POU6F1: variants seen among roughly 807,000 people sequenced by gnomAD.
The protein encoded by POU6F1 is POU domain, class 6, transcription factor 1.
A neutral mutation model predicts 28.9 loss-of-function variants in POU6F1; 9 were observed. The ratio of observed to expected loss-of-function variants is 0.31; its 90% CI spans 0.19 to 0.54. The LOEUF is 0.54. Among genes scored for constraint, POU6F1 ranks in the 20% least tolerant of loss-of-function variants. POU6F1 has a pLI of 0.94. For synonymous variants in POU6F1, 173 were observed against 171.1 expected, an observed-to-expected ratio of 1.01 and a Z score of -0.09; for missense variants, 338 against 426.1, an observed-to-expected ratio of 0.79 and a Z score of 1.82.
chr12:51,198,309 G>A, intron 5 of POU6F1: 1 of 396,876 alleles, frequency 2.5e-6, no homozygotes, highest in Non-Finnish European at 4.4e-6. Flanking sequence ...TGGGGGGAGA[G>A]GGGCAGTCTC....
intron 1 of POU6F1, among the ~76,000 whole-genome samples, chr12:51,213,079 G>A (rs1194714863): frequency 1.3e-5 from 2 of 152,072 alleles, no homozygotes; most frequent in Admixed American, 6.6e-5. Context: ...TGGGACTACA[G>A]GTGCGCATCA....
chr12:51,201,024 A>G (rs536917202), intron 3 of POU6F1, among the ~76,000 whole-genome samples: 3 of 152,306 alleles, frequency 2.0e-5, no homozygotes, highest in Admixed American at 6.5e-5. Context: ...TGCTGGGCAT[A>G]TATTTCTAGG....
chr12:51,214,218 T>A (rs983463160), intron 1 of POU6F1, among the ~76,000 whole-genome samples: 3 of 152,142 alleles, frequency 2.0e-5, no homozygotes, highest in African/African-American at 7.2e-5. Flanking sequence ...CCTATGGGAT[T>A]GTTATGATGG....
chr12:51,217,225 G>T lies in POU6F1; in HGVS notation c.-48+417C>A, dbSNP rs1276121450. The stretch of plus-strand genomic sequence containing the variant: ...CCAGGCGTCCGTGTTCTCCAGAGAG[G>T]CAAGGATCCGCTTCTGGTCGCCACT... On this transcript the variant is annotated intron_variant, in intron 1 of 10. Coordinates refer to ENST00000333640, the MANE Select transcript of POU6F1 (RefSeq NM_001330422.2). The surrounding 1 kb of genome is among the most constrained non-coding windows in gnomAD (Gnocchi z 5.3). 6.6e-6 allele frequency among the ~76,000 whole-genome samples: 1 copy of T among 152,168 alleles called. No individual in the cohort carries two copies. The highest frequency in any genetic ancestry group is 1.5e-5 in the Non-Finnish European group (1 of 68,028).
rs1312390366 is a variant in POU6F1 at position 51,189,305 on chromosome 12, A to G, written c.*942T>C. ...TTGGGTTGGGAATGGGTGTGGGGAC[A>G]AGAGAAAGAAAGAGAAAGTCAGCAT... On this transcript the variant is annotated 3_prime_UTR_variant, in exon 11 of 11. Transcript: ENST00000333640. The G allele has an allele frequency of 6.6e-6, 1 of 152,136 alleles. No individual in the cohort carries two copies. Among genetic ancestry groups the G allele is most frequent in the East Asian group, 1.9e-4 (1 of 5,196 alleles). The allele number at this position is 152,136 out of a possible 1,614,324, so 9.4% of individuals were successfully genotyped here. A position where few individuals can be genotyped will look rare whatever the true frequency, so the allele number is the denominator to read the frequency against.
chr12:51,203,217 C>G (rs959318570), intron 3 of POU6F1, among the ~76,000 whole-genome samples: 3 of 152,064 alleles, frequency 2.0e-5, no homozygotes, highest in African/African-American at 7.3e-5. Context: ...ATTAAGGCAC[C>G]AGAGGAAATG....
At chr12:51,205,484 C>A (rs1396209785) in intron 2 of POU6F1, among the ~76,000 whole-genome samples, 1 of 152,216 alleles carries the variant, frequency 6.6e-6, no homozygotes, top group East Asian at 1.9e-4. Context: ...CCCTCCCCTG[C>A]CCAGACGACA....
In POU6F1 at chr12:51,191,525, G is replaced by A. The variant is rs1049352364; in HGVS notation, c.1490+71C>T. The A allele has an allele frequency of 6.5e-6, 10 of 1,542,760 alleles. No individual in the cohort carries two copies. The African/African-American group carries it at 1.1e-4, about 17-fold the overall frequency. ...ATATGGAAAAGGGGCCGGTGCTCAG[G>A]TTCCCATGAGTGCCCGGTGGCACCA... On this transcript the variant is annotated intron_variant, in intron 10 of 10. Coordinates refer to ENST00000333640, the MANE Select transcript of POU6F1 (RefSeq NM_001330422.2).
chr12:51,198,039 GA>G lies in POU6F1; in HGVS notation c.593-17del, dbSNP rs1333783937. ...ACAGCAGCTGCTATGGAGCAAGGCA[GA>G]GACAGAGGTGCTCAAATGCCTAGCC... On this transcript the variant is annotated splice_polypyrimidine_tract_variant and intron_variant, in intron 5 of 10. Coordinates refer to ENST00000333640, the MANE Select transcript of POU6F1 (RefSeq NM_001330422.2). The G allele has an allele frequency of 2.5e-6, 1 of 399,214 alleles. No individual in the cohort carries two copies. The highest frequency in any genetic ancestry group is 4.4e-6 in the Non-Finnish European group (1 of 226,316). The allele number at this position is 399,214 out of a possible 1,614,324, so 24.7% of individuals were successfully genotyped here. A position where few individuals can be genotyped will look rare whatever the true frequency, so the allele number is the denominator to read the frequency against.
At chr12:51,210,714 G>A (rs1943934705) in intron 1 of POU6F1, among the ~76,000 whole-genome samples, 1 of 152,184 alleles carries the variant, frequency 6.6e-6, no homozygotes, top group African/African-American at 2.4e-5. Flanking sequence ...CAAGGGCAAA[G>A]TCAGTCCTGA....
intron 1 of POU6F1, among the ~76,000 whole-genome samples, chr12:51,208,912 G>C (rs1943807534): frequency 1.3e-5 from 2 of 152,146 alleles, no homozygotes; most frequent in Non-Finnish European, 2.9e-5. Flanking sequence ...ACTCCAGCCT[G>C]GGCAACAGAG....
intron 1 of POU6F1, among the ~76,000 whole-genome samples, chr12:51,209,687 A>C (rs1015912125): frequency 2.0e-5 from 3 of 152,154 alleles, no homozygotes; most frequent in African/African-American, 7.2e-5. Context: ...TAGCATCTTC[A>C]TTGCTTGGCA....
intron 1 of POU6F1, among the ~76,000 whole-genome samples, chr12:51,213,197 A>G (rs992616400): frequency 5.3e-5 from 8 of 152,168 alleles, no homozygotes; most frequent in African/African-American, 1.9e-4. Flanking sequence ...TTGGCCTCCC[A>G]AAGTGCTGGG....
intron 8 of POU6F1, among the ~76,000 whole-genome samples, chr12:51,193,243 A>C (rs1942564189): frequency 6.6e-6 from 1 of 152,204 alleles, no homozygotes; most frequent in Admixed American, 6.5e-5. Flanking sequence ...CAGCCATTAA[A>C]AGGGAGAAGG....
chr12:51,212,499 G>A (rs1349390423), intron 1 of POU6F1, among the ~76,000 whole-genome samples: 2 of 151,714 alleles, frequency 1.3e-5, no homozygotes, highest in African/African-American at 4.8e-5. Flanking sequence ...CTATAGTCCA[G>A]GCCGGGCGTG....
At chr12:51,215,607 C>T (rs998825498) in intron 1 of POU6F1, among the ~76,000 whole-genome samples, 7 of 146,770 alleles carry the variant, frequency 4.8e-5, no homozygotes, top group Non-Finnish European at 9.0e-5. Flanking sequence ...GTATTGGGTT[C>T]TGGAGAACCC....
At position 51,190,053 on chromosome 12, in the gene POU6F1, C is replaced by G; in HGVS notation, c.*194G>C. On this transcript the variant is annotated 3_prime_UTR_variant, in exon 11 of 11. Coordinates refer to ENST00000333640, the MANE Select transcript of POU6F1 (RefSeq NM_001330422.2). This position sits in a 1 kb window ranked among gnomAD's most constrained non-coding sequence, Gnocchi z 4.5. ...GAGCCTGGAGCTCTCGTGTGGCCCC[C>G]TCTGGCCTCCCCATGATGTGAGATG... 9.2e-7 allele frequency: 1 copy of G among 1,090,052 alleles called. No individual in the cohort carries two copies. Among genetic ancestry groups the G allele is most frequent in the Non-Finnish European group, 1.3e-6 (1 of 788,224 alleles). The allele number at this position is 1,090,052 out of a possible 1,614,324, so 67.5% of individuals were successfully genotyped here.
At position 51,190,210 on chromosome 12, in the gene POU6F1, G is replaced by A. The variant is rs1942298662; in HGVS notation, c.*37C>T. On this transcript the variant is annotated 3_prime_UTR_variant, in exon 11 of 11. Transcript: ENST00000333640. The surrounding 1 kb of genome is among the most constrained non-coding windows in gnomAD (Gnocchi z 4.5). ...GCTGCAGCCGGATGCCACGGGAAATGGACAAAGTGCTAGAACACAGGGCCA... is the reference window on the plus strand; with the variant it reads ...GCTGCAGCCGGATGCCACGGGAAATAGACAAAGTGCTAGAACACAGGGCCA... 6.3e-7 allele frequency: 1 copy of A among 1,599,848 alleles called. No homozygotes were observed. The highest frequency in any genetic ancestry group is 8.5e-7 in the Non-Finnish European group (1 of 1,171,752).
rs12370642 is a variant in POU6F1 at position 51,216,521 on chromosome 12, G to T, written c.-48+1121C>A. On this transcript the variant is annotated intron_variant, in intron 1 of 10. Coordinates refer to ENST00000333640, the MANE Select transcript of POU6F1 (RefSeq NM_001330422.2). ...AGCATGGCACTGAGTGGGTATTTTT[G>T]TTGAACTAATGAAGAAATGAAGTTC... 4.8e-3 allele frequency among the ~76,000 whole-genome samples: 737 copies of T among 152,310 alleles called. 3 individuals are homozygous for T. Among genetic ancestry groups the T allele is most frequent in the Non-Finnish European group, 8.6e-3 (583 of 68,034 alleles).
Sources: allele counts gnomAD v4.1 joint callset (sites outside exome capture counted in the v4.1 genomes callset), GRCh38; gene constraint gnomAD v4.1.1; non-coding constraint Gnocchi (gnomAD v3.1); transcripts MANE v1.5; gene names NCBI Gene and HGNC (gene_info 2026-07-23, HGNC 2026-07-21).